Variants in ECHS1 observed in about 807,000 individuals in gnomAD.
The protein encoded by ECHS1 is enoyl-CoA hydratase, mitochondrial.
A neutral mutation model predicts 33.5 loss-of-function variants in ECHS1; 19 were observed. The ratio of observed to expected loss-of-function variants is 0.57; its 90% CI spans 0.40 to 0.83. The LOEUF (loss-of-function observed/expected upper bound fraction) is 0.83, where lower values mean the gene tolerates loss of function less well. Among genes scored for constraint, ECHS1 ranks in the 40% least tolerant of loss-of-function variants. ECHS1 has a pLI of 0.00. For synonymous variants in ECHS1, 158 were observed against 146.6 expected (o/e 1.08, Z -0.56); for missense variants, 365 against 381.3 (o/e 0.96, Z 0.36).
In ECHS1 at chr10:133,370,555, C is replaced by T. The variant is rs371517085; in HGVS notation, c.286+5G>A. On this transcript the variant is annotated splice_donor_5th_base_variant and intron_variant, in intron 2 of 7. Coordinates refer to ENST00000368547, the MANE Select transcript of ECHS1 (RefSeq NM_004092.4). ...AGACACAAAGGCCTCTGCTGCCGCGCGTACCTGCAAAGGCCTTATCCCCGC... is the reference window on the plus strand; with the variant it reads ...AGACACAAAGGCCTCTGCTGCCGCGTGTACCTGCAAAGGCCTTATCCCCGC... 75 of 1,552,740 alleles carry T rather than the reference C, an allele frequency of 4.8e-5. No individual in the cohort carries two copies. Among genetic ancestry groups the T allele is most frequent in the South Asian group, 4.7e-4 (39 of 83,446 alleles).
intron 7 of ECHS1, among the ~76,000 whole-genome samples, chr10:133,364,032 G>A (rs1181057885): frequency 2.6e-5 from 4 of 151,516 alleles, no homozygotes; most frequent in East Asian, 1.9e-4. Flanking sequence ...TGTAATCTCC[G>A]CCTCTGGGTT....
In ECHS1 at chr10:133,362,846, G is replaced by A; in HGVS notation, c.*22C>T. Reference sequence around the variant, plus strand: ...GCACTTGTCCTCTCCAAGCAGAGGTGTGAAGCAGGGGCAGCTGGTTCTCAC... The same window carrying A: ...GCACTTGTCCTCTCCAAGCAGAGGTATGAAGCAGGGGCAGCTGGTTCTCAC... On this transcript the variant is annotated 3_prime_UTR_variant, in exon 8 of 8. Coordinates refer to ENST00000368547, the MANE Select transcript of ECHS1 (RefSeq NM_004092.4). 1 of 1,613,586 alleles carries A rather than the reference G, an allele frequency of 6.2e-7. No homozygotes were observed. The highest frequency in any genetic ancestry group is 8.5e-7 in the Non-Finnish European group (1 of 1,179,492).
At chr10:133,367,109 G>T in intron 4 of ECHS1, 116 bp from the exon 5 acceptor site, 1 of 778,540 alleles carries the variant, frequency 1.3e-6, no homozygotes, top group Non-Finnish European at 2.1e-6. Context: ...ACTAGGTCCA[G>T]GGGTCAGAGG....
At chr10:133,371,664 C>G (rs749726611) in intron 1 of ECHS1, 1 of 154,628 alleles carries the variant, frequency 6.5e-6, no homozygotes, top group Non-Finnish European at 1.5e-5. Flanking sequence ...GCTGGGTGGA[C>G]AGCAAGGTGG....
intron 6 of ECHS1, among the ~76,000 whole-genome samples, chr10:133,365,413 C>T (rs185186324): frequency 1.3e-5 from 2 of 152,232 alleles, no homozygotes; most frequent in African/African-American, 4.8e-5. Flanking sequence ...CCACACCTGT[C>T]CGGACTCAAC....
Position 133,366,066 on chromosome 10 carries a change from T to A in ECHS1, c.649A>T (p.Thr217Ser). The A allele has an allele frequency of 6.2e-7, 1 of 1,613,858 alleles. No individual in the cohort carries two copies. The highest frequency in any genetic ancestry group is 8.5e-7 in the Non-Finnish European group (1 of 1,180,010). The part of the protein sequence containing the change: ...GLVSKICPVE[T>S]LVEEAIQCAE... The stretch of plus-strand genomic sequence containing the variant: ...CACTGGATGGCTTCTTCCACCAGTG[T>A]CTCAACAGGACAAATCTTGCTGACA... Residue 217 changes from threonine to serine, a missense_variant, in exon 6 of 8, where the codon ACA becomes TCA. By Grantham distance (58) the Thr-to-Ser change is moderately conservative. Transcript: ENST00000368547.
chr10:133,366,843 C>G (rs748969789), intron 5 of ECHS1, 46 bp downstream of exon 5: 16 of 1,495,374 alleles, frequency 1.1e-5, no homozygotes, highest in Non-Finnish European at 1.5e-5. Context: ...GTGGGGCTCC[C>G]ACCCCGGGTT....
At chr10:133,372,591 G>A (rs561517233) in intron 1 of ECHS1, among the ~76,000 whole-genome samples, 1 of 152,208 alleles carries the variant, frequency 6.6e-6, no homozygotes, top group East Asian at 2.0e-4. Context: ...CAGTTGGCCA[G>A]AGGTCTTGGC....
intron 6 of ECHS1, among the ~76,000 whole-genome samples, chr10:133,365,212 T>C (rs1328481139): frequency 6.6e-6 from 1 of 152,192 alleles, no homozygotes; most frequent in Non-Finnish European, 1.5e-5. Flanking sequence ...GCGCTGTGGC[T>C]CCAGGGCTGG....
At position 133,369,778 on chromosome 10, in the gene ECHS1, G is replaced by C. The variant is rs1336098046; in HGVS notation, c.414+126C>G. 5.2e-6 allele frequency: 7 copies of C among 1,345,580 alleles called. No homozygotes were observed. In the East Asian group the frequency reaches 1.4e-4, roughly 27 times the overall value. The allele number at this position is 1,345,580 out of a possible 1,614,324, so 83.4% of individuals were successfully genotyped here. Reference sequence around the variant, plus strand: ...AGTTCCTGGCTCTTTAGCACCATGAGGCAGGAAAGGAGGCTGCTGGCCTGG... The same window carrying C: ...AGTTCCTGGCTCTTTAGCACCATGACGCAGGAAAGGAGGCTGCTGGCCTGG... On this transcript the variant is annotated intron_variant, in intron 3 of 7. Transcript: ENST00000368547.
In ECHS1 at chr10:133,365,967, A is replaced by C. The variant is rs767246540; in HGVS notation, c.739+9T>G. 2.5e-6 allele frequency: 4 copies of C among 1,613,620 alleles called. No individual in the cohort carries two copies. Among genetic ancestry groups the C allele is most frequent in the Non-Finnish European group, 3.4e-6 (4 of 1,179,978 alleles). ...GACCTCTCCAGTGTCTTCCTGGCAG[A>C]TCCCCTACCTGCATTCACTGATTCT... On this transcript the variant is annotated intron_variant, in intron 6 of 7. Coordinates refer to ENST00000368547, the MANE Select transcript of ECHS1 (RefSeq NM_004092.4).
At chr10:133,371,280 AAAAAAG>A (rs1232825307) in intron 1 of ECHS1, among the ~76,000 whole-genome samples, 1 of 152,140 alleles carries the variant, frequency 6.6e-6, no homozygotes, top group African/African-American at 2.4e-5. Flanking sequence ...CCGTCTCAAA[AAAAAAG>A]AAAAGAAAAA....
rs143195649 is a variant in ECHS1, at chr10:133,365,414, C to T, written c.739+562G>A. On this transcript the variant is annotated intron_variant, in intron 6 of 7. Transcript: ENST00000368547. ...CTGCCTGGGGCCACCCACACCTGTCCGGACTCAACCAGCTAATAACCATCT... is the reference window on the plus strand; with the variant it reads ...CTGCCTGGGGCCACCCACACCTGTCTGGACTCAACCAGCTAATAACCATCT... Among the ~76,000 whole-genome samples, 393 of 152,358 alleles carry T rather than the reference C, an allele frequency of 2.6e-3. 2 individuals are homozygous for T. Among genetic ancestry groups the T allele is most frequent in the African/African-American group, 9.0e-3 (374 of 41,578 alleles).
At chr10:133,366,302 T>C (rs536226228) in intron 5 of ECHS1, among the ~76,000 whole-genome samples, 5 of 152,358 alleles carry the variant, frequency 3.3e-5, no homozygotes, top group South Asian at 4.1e-4. Flanking sequence ...CTCTCAGACA[T>C]GTGGGCCAGG....
At chr10:133,369,849 C>G in intron 3 of ECHS1, 55 bp downstream of exon 3, 1 of 1,603,928 alleles carries the variant, frequency 6.2e-7, no homozygotes, top group Non-Finnish European at 8.5e-7. Context: ...GCTGTGTATG[C>G]ACAGCACGGT....
At chr10:133,371,778 G>A (rs1391273865) in intron 1 of ECHS1, 1 of 154,516 alleles carries the variant, frequency 6.5e-6, no homozygotes, top group Non-Finnish European at 1.5e-5. Flanking sequence ...GGCAGAGCAG[G>A]GATCATAGTC....
chr10:133,368,367 G>A (rs1253109961), intron 4 of ECHS1, among the ~76,000 whole-genome samples: 7 of 145,010 alleles, frequency 4.8e-5, no homozygotes, highest in African/African-American at 1.5e-4. Context: ...AGAGGGCAGC[G>A]AAGGGCACCC....
In ECHS1 at chr10:133,362,854, G is replaced by C; in HGVS notation, c.*14C>G. ...CCTCTCCAAGCAGAGGTGTGAAGCA[G>C]GGGCAGCTGGTTCTCACTGGTCTTT... On this transcript the variant is annotated 3_prime_UTR_variant, in exon 8 of 8. Transcript: ENST00000368547. 6.2e-7 allele frequency: 1 copy of C among 1,614,012 alleles called. No homozygotes were observed. The highest frequency in any genetic ancestry group is 8.5e-7 in the Non-Finnish European group (1 of 1,179,906).
In ECHS1 at chr10:133,364,693, A is replaced by G; in HGVS notation, c.772T>C (p.Leu258=). The change falls in exon 7 of 8, where the codon TTG becomes CTG. Residue 258 remains leucine (L), a synonymous_variant. Transcript: ENST00000368547. ...FEMTLTEGSK[L]EKKLFYSTFA... The stretch of plus-strand genomic sequence containing the variant: ...GTTGAATAAAAGAGTTTCTTCTCCA[A>G]CTTACTTCCTTCTGTTAATGTCATT... 1.2e-6 allele frequency: 2 copies of G among 1,613,912 alleles called. No individual in the cohort carries two copies. Among genetic ancestry groups the G allele is most frequent in the Non-Finnish European group, 1.7e-6 (2 of 1,179,880 alleles).
Sources: gnomAD v4.1 joint callset for allele counts (sites outside exome capture counted in the v4.1 genomes callset) on GRCh38, gnomAD v4.1.1 for gene constraint, MANE v1.5 for transcripts, NCBI Gene and HGNC (gene_info 2026-07-23, HGNC 2026-07-21) for gene names.